Variants in KCNAB1 observed in about 807,000 individuals in gnomAD.
KCNAB1 encodes the protein potassium voltage-gated channel subfamily A regulatory beta subunit 1.
In KCNAB1, 35 loss-of-function variants were observed where a neutral mutation model predicts 64.6. The ratio of observed to expected loss-of-function variants is 0.54; its 90% CI spans 0.41 to 0.72. KCNAB1 has a LOEUF of 0.72. Among genes scored for constraint, KCNAB1 ranks in the 30% least tolerant of loss-of-function variants. KCNAB1 has a pLI of 0.00. For synonymous variants in KCNAB1, 177 were observed against 183.8 expected (o/e 0.96, Z 0.30); for missense variants, 401 against 512.9 (o/e 0.78, Z 2.11).
intron 1 of KCNAB1, among the ~76,000 whole-genome samples, chr3:156,367,235 T>C (rs2060643): frequency 6.7e-6 from 1 of 149,292 alleles, no homozygotes; most frequent in Non-Finnish European, 1.5e-5. Flanking sequence ...GAGTGCAGTG[T>C]TGCAATCTTG....
At chr3:156,243,678 T>C (rs1367529609) in intron 1 of KCNAB1, among the ~76,000 whole-genome samples, 50 of 152,358 alleles carry the variant, frequency 3.3e-4, no homozygotes, top group Non-Finnish European at 1.5e-5. Flanking sequence ...TTTTATCACC[T>C]TAGCACTACT....
At chr3:156,354,897 C>A (rs1725133467) in intron 1 of KCNAB1, among the ~76,000 whole-genome samples, 1 of 152,106 alleles carries the variant, frequency 6.6e-6, no homozygotes, top group South Asian at 2.1e-4. Context: ...AAATTTGTGA[C>A]CTTATTAAGA....
intron 1 of KCNAB1, among the ~76,000 whole-genome samples, chr3:156,317,038 T>A (rs574065522): frequency 2.0e-5 from 3 of 152,202 alleles, no homozygotes; most frequent in Non-Finnish European, 4.4e-5. Flanking sequence ...CAATAAATGT[T>A]AGTTGTTAGA....
At chr3:156,140,583 ATC>A (rs1245631034) in intron 1 of KCNAB1, among the ~76,000 whole-genome samples, 3 of 152,192 alleles carry the variant, frequency 2.0e-5, no homozygotes, top group Non-Finnish European at 2.9e-5. Flanking sequence ...ATATCCTAAT[ATC>A]ATCACACTGG....
intron 8 of KCNAB1, among the ~76,000 whole-genome samples, chr3:156,505,455 G>A (rs907753027): frequency 3.9e-5 from 6 of 152,156 alleles, no homozygotes; most frequent in African/African-American, 1.4e-4. Context: ...TTGGAATTTT[G>A]ATAGGGATTA....
chr3:156,176,342 A>G, intron 1 of KCNAB1: 1 of 831,672 alleles, frequency 1.2e-6, no homozygotes, highest in Admixed American at 1.7e-5. Flanking sequence ...AACACCTGGT[A>G]CATGTTCTGA....
intron 8 of KCNAB1, among the ~76,000 whole-genome samples, chr3:156,492,705 T>A (rs78845753): frequency 2.0e-5 from 3 of 152,058 alleles, no homozygotes; most frequent in Non-Finnish European, 2.9e-5. Context: ...AATATGAACT[T>A]AACCCAAAGT....
rs189035293 is a variant in KCNAB1 at position 156,456,705 on chromosome 3, T to A, written c.358-748T>A. ...ATTTTTCAAATGACTAGTAAGTCAA[T>A]CGGCAAAATGAAAAAATGGCCCTTC... On this transcript the variant is annotated intron_variant, in intron 3 of 13. Coordinates refer to ENST00000490337, the MANE Select transcript of KCNAB1 (RefSeq NM_172160.3). 3.9e-5 allele frequency among the ~76,000 whole-genome samples: 6 copies of A among 152,366 alleles called. No homozygotes were observed. The East Asian group carries it at 1.2e-3, about 29-fold the overall frequency.
intron 1 of KCNAB1, among the ~76,000 whole-genome samples, chr3:156,412,780 A>G (rs1238027934): frequency 6.6e-6 from 1 of 152,188 alleles, no homozygotes; most frequent in African/African-American, 2.4e-5. Flanking sequence ...AGTGGCTGTG[A>G]AGAAGTCAGG....
At chr3:156,284,922 G>A (rs773852143) in intron 1 of KCNAB1, among the ~76,000 whole-genome samples, 3 of 152,144 alleles carry the variant, frequency 2.0e-5, no homozygotes, top group Non-Finnish European at 4.4e-5. Context: ...GAAATCACCC[G>A]TCTTCGTCGC....
intron 1 of KCNAB1, among the ~76,000 whole-genome samples, chr3:156,354,148 A>G (rs866018712): frequency 2.5e-4 from 34 of 138,626 alleles, no homozygotes; most frequent in African/African-American, 5.7e-4. Context: ...ATATATGTGT[A>G]TATATATATA....
At chr3:156,524,465 C>T (rs1308276286) in intron 12 of KCNAB1, among the ~76,000 whole-genome samples, 1 of 152,002 alleles carries the variant, frequency 6.6e-6, no homozygotes, top group Non-Finnish European at 1.5e-5. Context: ...AAACCACACG[C>T]GGCTGGGCAC....
chr3:156,182,730 C>G (rs1381968685), intron 1 of KCNAB1, among the ~76,000 whole-genome samples: 1 of 137,914 alleles, frequency 7.3e-6, no homozygotes, highest in African/African-American at 2.6e-5. Flanking sequence ...CGGAGTCTCT[C>G]TCTGTTGCCC....
At chr3:156,362,142 TC>T (rs1251764042) in intron 1 of KCNAB1, among the ~76,000 whole-genome samples, 1 of 152,114 alleles carries the variant, frequency 6.6e-6, no homozygotes, top group Non-Finnish European at 1.5e-5. Context: ...TATATGCACA[TC>T]TACATATATC....
intron 2 of KCNAB1, among the ~76,000 whole-genome samples, chr3:156,440,149 C>T (rs1473106046): frequency 6.6e-6 from 1 of 152,184 alleles, no homozygotes; most frequent in East Asian, 1.9e-4. Context: ...TCTGGGGATA[C>T]AGAGTTCATC....
intron 1 of KCNAB1, among the ~76,000 whole-genome samples, chr3:156,196,194 C>A (rs1713921616): frequency 6.6e-6 from 1 of 152,068 alleles, no homozygotes; most frequent in Non-Finnish European, 1.5e-5. Flanking sequence ...CATTACCATG[C>A]TGTTTTTGTT....
intron 1 of KCNAB1, among the ~76,000 whole-genome samples, chr3:156,357,654 G>A: frequency 6.6e-6 from 1 of 151,866 alleles, no homozygotes; most frequent in Non-Finnish European, 1.5e-5. Context: ...AAAGTCAAAA[G>A]AAACAGGTGA....
At chr3:156,142,009 A>C (rs560289741) in intron 1 of KCNAB1, among the ~76,000 whole-genome samples, 53 of 152,168 alleles carry the variant, frequency 3.5e-4, no homozygotes, top group Non-Finnish European at 7.2e-4. Context: ...CCTAATGGCT[A>C]ATGATCTTTT....
At chr3:156,379,470 G>T (rs1023007685) in intron 1 of KCNAB1, among the ~76,000 whole-genome samples, 1 of 152,168 alleles carries the variant, frequency 6.6e-6, no homozygotes, top group Non-Finnish European at 1.5e-5. Context: ...GGCTTTCTTG[G>T]GAAGGTGACA....
Sources: gnomAD v4.1 joint callset for allele counts (sites outside exome capture counted in the v4.1 genomes callset) on GRCh38, gnomAD v4.1.1 for gene constraint, MANE v1.5 for transcripts, NCBI Gene and HGNC (gene_info 2026-07-23, HGNC 2026-07-21) for gene names.